CDH7: variants seen among roughly 807,000 people sequenced by gnomAD.
CDH7 encodes the protein cadherin-7.
CDH7 carries 25 observed loss-of-function variants against 71.8 expected under a neutral mutation model. The observed-to-expected ratio is 0.35, with a 90% confidence interval of 0.25 to 0.49. The LOEUF (loss-of-function observed/expected upper bound fraction) is 0.49. Ranked by LOEUF, CDH7 falls within the 20% of genes least tolerant of loss-of-function variation. The pLI, the probability that CDH7 is intolerant of heterozygous loss-of-function variation, is 0.99. For synonymous variants in CDH7, 381 were observed against 363.8 expected (o/e 1.05, Z -0.54); for missense variants, 862 against 974.6 (o/e 0.88, Z 1.54).
At chr18:65,852,678 C>G (rs1913192889) in intron 7 of CDH7, among the ~76,000 whole-genome samples, 1 of 152,038 alleles carries the variant, frequency 6.6e-6, no homozygotes, top group African/African-American at 2.4e-5. Flanking sequence ...GATATAAAGA[C>G]ATCACATCTA....
At chr18:65,837,008 C>G (rs996251018) in intron 6 of CDH7, among the ~76,000 whole-genome samples, 9 of 152,130 alleles carry the variant, frequency 5.9e-5, no homozygotes, top group African/African-American at 2.2e-4. Flanking sequence ...GCTCTTCTCC[C>G]CCCATAACCC....
intron 6 of CDH7, among the ~76,000 whole-genome samples, chr18:65,840,802 C>A (rs544842543): frequency 6.6e-6 from 1 of 152,050 alleles, no homozygotes; most frequent in African/African-American, 2.4e-5. Context: ...AGTGAGAAAA[C>A]GAACTAGTAC....
intron 7 of CDH7, among the ~76,000 whole-genome samples, chr18:65,850,594 T>C (rs1232710789): frequency 8.0e-6 from 1 of 125,592 alleles, no homozygotes; most frequent in Admixed American, 7.7e-5. Flanking sequence ...TTATTATTAT[T>C]ATTATTATTA....
intron 2 of CDH7, among the ~76,000 whole-genome samples, chr18:65,774,890 G>C (rs968153456): frequency 6.6e-6 from 1 of 152,106 alleles, no homozygotes; most frequent in African/African-American, 2.4e-5. Context: ...GGCGGGGAAG[G>C]GAGAAAAGAG....
intron 11 of CDH7, among the ~76,000 whole-genome samples, chr18:65,879,678 G>C (rs1353245048): frequency 6.6e-6 from 1 of 152,190 alleles, no homozygotes; most frequent in Admixed American, 6.5e-5. Flanking sequence ...CCTGCTTTAA[G>C]ATGTGATTTT....
intron 11 of CDH7, among the ~76,000 whole-genome samples, chr18:65,872,706 T>C (rs759278014): frequency 6.6e-6 from 1 of 151,758 alleles, no homozygotes; most frequent in African/African-American, 2.4e-5. Context: ...ACCAGCCTGA[T>C]CAACAAATGA....
At chr18:65,803,371 G>C (rs537097464) in intron 2 of CDH7, 1 of 152,188 alleles carries the variant, frequency 6.6e-6, no homozygotes, top group South Asian at 2.1e-4. Context: ...CTTAATAAAA[G>C]AAATGATATT....
chr18:65,762,659 C>A lies in CDH7; in HGVS notation c.-184C>A. The A allele has an allele frequency of 1.7e-6, 1 of 576,590 alleles. No individual in the cohort carries two copies. 35.7% of individuals were successfully genotyped at this position (576,590 alleles called of 1,614,324 possible). ...TTTGTTCTGATAGGTACTTACTACA[C>A]CATTCTTTGGCGAAGGCTATTCAGC... On this transcript the variant is annotated 5_prime_UTR_variant, in exon 2 of 12. Coordinates refer to ENST00000397968, the MANE Select transcript of CDH7 (RefSeq NM_004361.5).
At chr18:65,799,963 ACTT>A (rs908696779) in intron 2 of CDH7, among the ~76,000 whole-genome samples, 25 of 152,240 alleles carry the variant, frequency 1.6e-4, no homozygotes, top group Non-Finnish European at 7.3e-5. Flanking sequence ...TACACTGCAT[ACTT>A]CTTCTTCTGT....
chr18:65,877,348 C>T (rs1914101309), intron 11 of CDH7, among the ~76,000 whole-genome samples: 1 of 151,804 alleles, frequency 6.6e-6, no homozygotes, highest in Non-Finnish European at 1.5e-5. Context: ...TCAAGTTTAT[C>T]AGTAGCATGA....
Position 65,810,708 on chromosome 18 carries a change from C to T in CDH7, c.505+710C>T, listed in dbSNP as rs1302311980. The stretch of plus-strand genomic sequence containing the variant: ...CTTCCTGATGCTCTTCCTCCTACCC[C>T]CAACCCTCCAACAGGCCCCAGTGTG... On this transcript the variant is annotated intron_variant, in intron 3 of 11. Coordinates refer to ENST00000397968, the MANE Select transcript of CDH7 (RefSeq NM_004361.5). 2.0e-5 allele frequency among the ~76,000 whole-genome samples: 3 copies of T among 152,142 alleles called. No homozygotes were observed. The East Asian group carries it at 5.8e-4, about 29-fold the overall frequency.
chr18:65,848,825 G>A (rs1855302133), intron 7 of CDH7, among the ~76,000 whole-genome samples: 1 of 107,916 alleles, frequency 9.3e-6, no homozygotes, highest in African/African-American at 2.7e-5. Context: ...AAGGATACTT[G>A]GATAATATTT....
intron 2 of CDH7, among the ~76,000 whole-genome samples, chr18:65,777,713 T>C (rs1167913422): frequency 1.3e-5 from 2 of 152,260 alleles, no homozygotes; most frequent in Admixed American, 6.5e-5. Flanking sequence ...ATAACTATTA[T>C]GTAATTTTTA....
In CDH7 at chr18:65,762,669, G is replaced by C; in HGVS notation, c.-174G>C. On this transcript the variant is annotated 5_prime_UTR_variant, in exon 2 of 12. Coordinates refer to ENST00000397968, the MANE Select transcript of CDH7 (RefSeq NM_004361.5). ...TAGGTACTTACTACACCATTCTTTG[G>C]CGAAGGCTATTCAGCAGTGGTGACC... is the stretch of plus-strand genomic sequence containing the variant. 6.8e-6 allele frequency: 4 copies of C among 584,072 alleles called. No individual in the cohort carries two copies. Among genetic ancestry groups the C allele is most frequent in the Non-Finnish European group, 9.1e-6 (3 of 330,120 alleles). 36.2% of individuals were successfully genotyped at this position (584,072 alleles called of 1,614,324 possible). A position where few individuals can be genotyped will look rare whatever the true frequency, so the allele number is the denominator to read the frequency against.
At chr18:65,764,357 C>CT (rs1249279224) in intron 2 of CDH7, among the ~76,000 whole-genome samples, 1 of 151,776 alleles carries the variant, frequency 6.6e-6, no homozygotes, top group African/African-American at 2.4e-5. Context: ...TAGGATTTTT[C>CT]TTTTTTTGGT....
intron 11 of CDH7, chr18:65,863,497 A>T (rs1913652014): frequency 6.3e-6 from 1 of 158,812 alleles, no homozygotes; most frequent in Admixed American, 5.8e-5. Context: ...TAGGATTAAA[A>T]ATAATCTATC....
intron 3 of CDH7, among the ~76,000 whole-genome samples, chr18:65,811,441 C>G (rs547387990): frequency 6.6e-6 from 1 of 152,232 alleles, no homozygotes; most frequent in East Asian, 1.9e-4. Flanking sequence ...AGAATTTGAA[C>G]CACAGTGGCA....
intron 11 of CDH7, among the ~76,000 whole-genome samples, chr18:65,878,579 G>A (rs373971138): frequency 6.6e-6 from 1 of 152,128 alleles, no homozygotes; most frequent in African/African-American, 2.4e-5. Context: ...AGGGAAGGAA[G>A]GTGAATACCA....
chr18:65,818,303 A>T (rs1343407089), intron 4 of CDH7, among the ~76,000 whole-genome samples: 3 of 152,078 alleles, frequency 2.0e-5, no homozygotes. Flanking sequence ...TTACAGAATG[A>T]ATTGGGTTTA....
Sources: allele counts gnomAD v4.1 joint callset (sites outside exome capture counted in the v4.1 genomes callset), GRCh38; gene constraint gnomAD v4.1.1; transcripts MANE v1.5; gene names NCBI Gene and HGNC (gene_info 2026-07-23, HGNC 2026-07-21).